Variants in SIGLEC9 observed in about 807,000 individuals in gnomAD.
SIGLEC9 encodes sialic acid binding Ig like lectin 9.
Under a neutral mutation model 38.3 loss-of-function variants are expected in SIGLEC9, and 26 were observed. The ratio of observed to expected loss-of-function variants is 0.68; its 90% CI spans 0.50 to 0.94. SIGLEC9 has a LOEUF of 0.94. SIGLEC9 is among the 40% of genes least tolerant of loss of function. The pLI is 0.00. For synonymous variants in SIGLEC9, 236 were observed against 248.0 expected, an observed-to-expected ratio of 0.95 and a Z score of 0.45; for missense variants, 556 against 585.7, an observed-to-expected ratio of 0.95 and a Z score of 0.52.
At chr19:51,134,862 AT>A (rs1489316119), downstream of SIGLEC9, among the ~76,000 whole-genome samples, 6 of 152,154 alleles carry the variant, frequency 3.9e-5, no homozygotes, top group Non-Finnish European at 7.4e-5. Context: ...TGATATGGGT[AT>A]TCTGGTACAT....
rs576482212 is a variant in SIGLEC9, at chr19:51,129,329, T to G, written c.1204-562T>G. On this transcript the variant is annotated intron_variant, in intron 6 of 6. Coordinates refer to ENST00000250360, the MANE Select transcript of SIGLEC9 (RefSeq NM_014441.3). ...GCCTGCCACCACGCCCAGCTAATTT[T>G]TTTGTATTTTTAGTAGAGACGGGGT... Among the ~76,000 whole-genome samples the G allele has an allele frequency of 3.4e-3, 515 of 150,852 alleles. 9 individuals carry two copies. Among genetic ancestry groups the G allele is most frequent in the African/African-American group, 0.012 (487 of 41,004 alleles).
rs182668384 is a variant in SIGLEC9, at chr19:51,135,726, C to T, written c.1204-236C>T. On this transcript the variant is annotated intron_variant, in intron 6 of 6. Transcript: ENST00000440804. ...GATTCCAGTGGGCCGTAGGTTTGGT[C>T]TCTTTATATAATCCCATATTTGTTG... 3.9e-5 allele frequency among the ~76,000 whole-genome samples: 6 copies of T among 152,058 alleles called. No homozygotes were observed. The East Asian group carries it at 1.2e-3, about 29-fold the overall frequency.
At chr19:51,123,144 G>C (rs1256391169), upstream of SIGLEC9, among the ~76,000 whole-genome samples, 4 of 152,174 alleles carry the variant, frequency 2.6e-5, no homozygotes, top group Admixed American at 2.6e-4. Context: ...CACCTGATCA[G>C]GGGGCCATCC....
chr19:51,128,004 C>T lies in SIGLEC9; in HGVS notation c.1071C>T (p.Ala357=), dbSNP rs375873847. Residue 357 remains alanine (A), a synonymous_variant, in exon 5 of 7, where the codon GCC becomes GCT. Coordinates refer to ENST00000250360, the MANE Select transcript of SIGLEC9 (RefSeq NM_014441.3). The part of the protein sequence containing the change: ...QGVVGGAGAT[A]LVFLSFCVIF... ...TGGTCGGGGGAGCTGGAGCCACAGC[C>T]CTGGTCTTCCTGTCCTTCTGCGTCA... 324 of 1,613,868 alleles carry T rather than the reference C, an allele frequency of 2.0e-4. No individual in the cohort carries two copies. The highest frequency in any genetic ancestry group is 2.5e-4 in the Non-Finnish European group (296 of 1,179,904).
Position 51,127,288 on chromosome 19 carries a change from C to T in SIGLEC9, c.1007C>T (p.Ser336Phe). ...TCTCAGCAGGTCTACCTGAACGTCTCCCTGCAGAGTGAGTGCACCAGTATG... is the reference window on the plus strand; with the variant it reads ...TCTCAGCAGGTCTACCTGAACGTCTTCCTGCAGAGTGAGTGCACCAGTATG... ...LGSQQVYLNV[S>F]LQSKATSGVT... Residue 336 changes from serine (S) to phenylalanine (F), a missense_variant, in exon 4 of 7, where the codon TCC (serine) becomes TTC (phenylalanine). Ser to Phe is a radical substitution (Grantham distance 155). Coordinates refer to ENST00000250360, the MANE Select transcript of SIGLEC9 (RefSeq NM_014441.3). The T allele has an allele frequency of 6.2e-7, 1 of 1,610,020 alleles. No homozygotes were observed.
Position 51,125,844 on chromosome 19 carries a change from C to A in SIGLEC9, c.669C>A (p.Thr223=), listed in dbSNP as rs746368862. The A allele has an allele frequency of 6.2e-7, 1 of 1,614,108 alleles. No individual in the cohort carries two copies. ...CQVTFPGASV[T]TNKTVHLNVS... Reference sequence around the variant, plus strand: ...TGACCTTCCCTGGGGCCAGCGTGACCACGAACAAGACCGTCCATCTCAACG... The same window carrying A: ...TGACCTTCCCTGGGGCCAGCGTGACAACGAACAAGACCGTCCATCTCAACG... The change falls in exon 2 of 7, where the codon ACC becomes ACA. Residue 223 remains threonine (T), a synonymous_variant. Coordinates refer to ENST00000250360, the MANE Select transcript of SIGLEC9 (RefSeq NM_014441.3).
chr19:51,129,939 C>G lies in SIGLEC9; in HGVS notation c.1252C>G (p.Pro418Ala). Residue 418 changes from proline (P) to alanine (A), a missense_variant, in exon 7 of 7, where the codon CCC (proline) becomes GCC (alanine). Physicochemically the swap from Pro to Ala is conservative, Grantham distance 27. Transcript: ENST00000250360. The stretch of plus-strand genomic sequence containing the variant: ...AGAAGACAGTCCCCCAGACCAGCCT[C>G]CCCCAGCTTCTGCCCGCTCCTCAGT... Reference protein sequence around the residue: ...WAEDSPPDQPPPASARSSVGE... With the variant: ...WAEDSPPDQPAPASARSSVGE... 1 of 1,612,760 alleles carries G rather than the reference C, an allele frequency of 6.2e-7. No homozygotes were observed.
upstream of SIGLEC9, chr19:51,120,779 AC>A: frequency 1.8e-5 from 3 of 167,774 alleles, no homozygotes; most frequent in South Asian, 1.4e-4. The surrounding 1 kb of genome is among the most constrained non-coding windows in gnomAD (Gnocchi z 4.1). Flanking sequence ...GTGGATCAGG[AC>A]CCCCATGCCC....
rs555258590 is a variant in SIGLEC9, at chr19:51,127,474, T to C, written c.1015+178T>C. On this transcript the variant is annotated intron_variant, in intron 4 of 6. Transcript: ENST00000250360. ...CTGTCCTCTTCCTGCCAGGGAAGGGTTGTGGGGTGGGGAGAGGGCAGGAGT... is the reference window on the plus strand; with the variant it reads ...CTGTCCTCTTCCTGCCAGGGAAGGGCTGTGGGGTGGGGAGAGGGCAGGAGT... 1.4e-4 allele frequency among the ~76,000 whole-genome samples: 21 copies of C among 151,564 alleles called. No individual in the cohort carries two copies. In the South Asian group the frequency reaches 2.7e-3, roughly 20 times the overall value.
Position 51,125,156 on chromosome 19 carries a change from G to C in SIGLEC9, c.182G>C (p.Trp61Ser), listed in dbSNP as rs1478847646. The change falls in exon 1 of 7, where the codon TGG becomes TCG. Residue 61 changes from tryptophan (W) to serine (S), a missense_variant. By Grantham distance (177) the Trp-to-Ser change is radical (BLOSUM62 -3). Transcript: ENST00000250360. ...CCTGGCCCAGTAGTTCATGGCTACTGGTTCCGGGAAGGGGCCAATACAGAC... is the reference window on the plus strand; with the variant it reads ...CCTGGCCCAGTAGTTCATGGCTACTCGTTCCGGGAAGGGGCCAATACAGAC... ...IYPGPVVHGYWFREGANTDQD... is the reference protein window; with the variant it reads ...IYPGPVVHGYSFREGANTDQD... 1.2e-6 allele frequency: 2 copies of C among 1,614,062 alleles called. No individual in the cohort carries two copies. The highest frequency in any genetic ancestry group is 3.3e-5 in the Admixed American group (2 of 60,014).
At chr19:51,120,305 G>A (rs755635757), upstream of SIGLEC9, 2 of 152,186 alleles carry the variant, frequency 1.3e-5, no homozygotes, top group African/African-American at 2.4e-5. This position sits in a 1 kb window ranked among gnomAD's most constrained non-coding sequence, Gnocchi z 4.1. Context: ...ATACAGTTAC[G>A]GAAATGAGAA....
At position 51,130,110 on chromosome 19, in the gene SIGLEC9, A is replaced by G. The variant is rs146632832; in HGVS notation, c.*31A>G. On this transcript the variant is annotated 3_prime_UTR_variant, in exon 7 of 7. Transcript: ENST00000250360. ...TGCAGAGACTCACCCTGATTGAGGG[A>G]TCACAGCCCCTCCAGGCAAGGGAGA... The G allele has an allele frequency of 3.2e-4, 499 of 1,569,360 alleles. No individual in the cohort carries two copies. In the African/African-American group the frequency reaches 6.3e-3, roughly 20 times the overall value.
upstream of SIGLEC9, chr19:51,122,580 C>CAA (rs71306113): frequency 1.1e-3 from 121 of 115,180 alleles, 1 homozygote; most frequent in South Asian, 1.7e-3. The surrounding 1 kb of genome is among the most constrained non-coding windows in gnomAD (Gnocchi z 4.1). Context: ...GACTCCATCT[C>CAA]AAAAAAAAAA....
chr19:51,123,127 T>C (rs572911600), upstream of SIGLEC9, among the ~76,000 whole-genome samples: 334 of 152,278 alleles, frequency 2.2e-3, no homozygotes, highest in African/African-American at 7.7e-3. Flanking sequence ...TTCTGGCCCC[T>C]GGTTCTCACC....
At chr19:51,133,676 C>CAA (rs78577986), downstream of SIGLEC9, among the ~76,000 whole-genome samples, 1 of 152,032 alleles carries the variant, frequency 6.6e-6, no homozygotes, top group East Asian at 1.9e-4. Context: ...ACATCACACG[C>CAA]AAAAAATTAG....
At chr19:51,122,461 A>G (rs529561040), upstream of SIGLEC9, among the ~76,000 whole-genome samples, 1 of 151,924 alleles carries the variant, frequency 6.6e-6, no homozygotes, top group Non-Finnish European at 1.5e-5. This position sits in a 1 kb window ranked among gnomAD's most constrained non-coding sequence, Gnocchi z 4.1. Context: ...CATGCCTGTA[A>G]TCCCAGCTAC....
At chr19:51,120,701 C>A, upstream of SIGLEC9, 1 of 188,486 alleles carries the variant, frequency 5.3e-6, no homozygotes, top group South Asian at 1.2e-4. The surrounding 1 kb of genome is among the most constrained non-coding windows in gnomAD (Gnocchi z 4.1). Flanking sequence ...CCTCACCTGT[C>A]AGGTGAAGTT....
chr19:51,121,409 T>C (rs959129957), upstream of SIGLEC9, among the ~76,000 whole-genome samples: 6 of 152,004 alleles, frequency 3.9e-5, no homozygotes, highest in African/African-American at 1.5e-4. Context: ...GGCGTCTCTC[T>C]TCCCCCATTT....
At chr19:51,130,756 G>T (rs1273830633), downstream of SIGLEC9, among the ~76,000 whole-genome samples, 1 of 152,156 alleles carries the variant, frequency 6.6e-6, no homozygotes, top group African/African-American at 2.4e-5. Flanking sequence ...CCTGGATCCT[G>T]AACCTCCCAT....
Sources: allele counts gnomAD v4.1 joint callset (sites outside exome capture counted in the v4.1 genomes callset), GRCh38; gene constraint gnomAD v4.1.1; non-coding constraint Gnocchi (gnomAD v3.1); transcripts MANE v1.5; gene names NCBI Gene and HGNC (gene_info 2026-07-23, HGNC 2026-07-21).